The following SGO2 variants were observed in gnomAD, a reference collection of about 807,000 sequenced individuals.
SGO2 encodes the protein shugoshin 2.
A neutral mutation model predicts 99.5 loss-of-function variants in SGO2; 68 were observed. The ratio of observed to expected loss-of-function variants is 0.68; its 90% CI spans 0.56 to 0.84. The LOEUF is 0.84. Among genes scored for constraint, SGO2 ranks in the 40% least tolerant of loss-of-function variants. The pLI is 0.00. For synonymous variants in SGO2, 457 were observed against 487.1 expected (o/e 0.94, Z 0.81); for missense variants, 1,350 against 1,436.7 (o/e 0.94, Z 0.97).
chr2:200,529,494 A>C (rs367909944), intron 1 of SGO2, among the ~76,000 whole-genome samples: 1 of 147,812 alleles, frequency 6.8e-6, no homozygotes, highest in Admixed American at 6.8e-5. Context: ...AAGGAGCTAC[A>C]GTTTTGTTTC....
chr2:200,535,765 T>C (rs2031661524), intron 3 of SGO2, among the ~76,000 whole-genome samples: 1 of 152,178 alleles, frequency 6.6e-6, no homozygotes, highest in African/African-American at 2.4e-5. Flanking sequence ...TGTGATATAT[T>C]ACTATGAGAA....
chr2:200,539,084 G>C (rs916508942), intron 4 of SGO2, among the ~76,000 whole-genome samples: 3 of 151,956 alleles, frequency 2.0e-5, no homozygotes, highest in African/African-American at 7.2e-5. Context: ...TATTATAATT[G>C]TTTTTCTTTA....
chr2:200,555,639 A>T (rs1322177565), intron 5 of SGO2, among the ~76,000 whole-genome samples: 1 of 152,148 alleles, frequency 6.6e-6, no homozygotes, highest in Non-Finnish European at 1.5e-5. Flanking sequence ...GGTGGCCAAG[A>T]GCATGCTTTT....
At chr2:200,564,320 C>G (rs1383851141) in intron 5 of SGO2, among the ~76,000 whole-genome samples, 3 of 152,010 alleles carry the variant, frequency 2.0e-5, no homozygotes, top group Non-Finnish European at 4.4e-5. Flanking sequence ...CGTTATGTAC[C>G]CAGTAGTCAT....
At chr2:200,582,415 T>C (rs2033867585) in intron 8 of SGO2, among the ~76,000 whole-genome samples, 2 of 152,118 alleles carry the variant, frequency 1.3e-5, no homozygotes, top group African/African-American at 4.8e-5. Context: ...GTTGATCTAC[T>C]TTCTCAGTAA....
At chr2:200,541,974 G>GT (rs371840316) in intron 4 of SGO2, among the ~76,000 whole-genome samples, 5 of 151,830 alleles carry the variant, frequency 3.3e-5, no homozygotes, top group Admixed American at 6.5e-5. Flanking sequence ...AGTTTTCTTT[G>GT]TTTTTTTAGC....
rs1559217175 is a variant in SGO2 at position 200,572,396 on chromosome 2, A to T, written c.2050A>T (p.Arg684Trp). The T allele has an allele frequency of 6.2e-7, 1 of 1,613,594 alleles. No homozygotes were observed. The highest frequency in any genetic ancestry group is 8.5e-7 in the Non-Finnish European group (1 of 1,179,628). Residue 684 changes from arginine (R) to tryptophan (W), a missense_variant, in exon 7 of 9, where the codon AGG becomes TGG. Physicochemically the swap from Arg to Trp is moderately radical, Grantham distance 101. Coordinates refer to ENST00000357799, the MANE Select transcript of SGO2 (RefSeq NM_152524.6). Reference protein sequence around the residue: ...TRDNENQCDYRTQNVLGLQKQ... With the variant: ...TRDNENQCDYWTQNVLGLQKQ... Reference sequence around the variant, plus strand: ...AGATAATGAAAATCAATGTGACTATAGGACCCAGAATGTGTTGGGTTTGCA... The same window carrying T: ...AGATAATGAAAATCAATGTGACTATTGGACCCAGAATGTGTTGGGTTTGCA...
At chr2:200,564,647 T>C (rs866864543) in intron 5 of SGO2, among the ~76,000 whole-genome samples, 3 of 152,336 alleles carry the variant, frequency 2.0e-5, no homozygotes, top group African/African-American at 4.8e-5. Flanking sequence ...ATCTGTCTAA[T>C]GTTGACAGTA....
Position 200,573,941 on chromosome 2 carries a change from T to C in SGO2, c.3595T>C (p.Phe1199Leu), listed in dbSNP as rs771487197. 3 of 1,599,640 alleles carry C rather than the reference T, an allele frequency of 1.9e-6. No homozygotes were observed. Among genetic ancestry groups the C allele is most frequent in the South Asian group, 1.1e-5 (1 of 87,860 alleles). ...DEHEKMNKMK[F>L]KVNRRTQKSG... ...GCATGAGAAGATGAACAAGATGAAA[T>C]TTAAAGTCAACCGGAGAACCCAAAA... Residue 1199 changes from phenylalanine (F) to leucine (L), a missense_variant, in exon 7 of 9, where the codon TTT becomes CTT. Phe to Leu is a conservative substitution (Grantham distance 22). Transcript: ENST00000357799.
chr2:200,532,008 T>G (rs894143169), intron 1 of SGO2: 1 of 152,220 alleles, frequency 6.6e-6, no homozygotes, highest in African/African-American at 2.4e-5. Context: ...TTTTTCCACA[T>G]GAGGTTTAGA....
intron 5 of SGO2, among the ~76,000 whole-genome samples, chr2:200,545,730 A>T (rs2032182627): frequency 6.6e-6 from 1 of 152,166 alleles, no homozygotes; most frequent in South Asian, 2.1e-4. Context: ...CTATGTGGAA[A>T]ATCTCCCCTC....
chr2:200,574,948 T>TA (rs1021183715), intron 7 of SGO2, among the ~76,000 whole-genome samples: 1 of 152,016 alleles, frequency 6.6e-6, no homozygotes, highest in African/African-American at 2.4e-5. Context: ...GCAAAAGAAT[T>TA]ACAAAGGTTT....
chr2:200,562,199 G>A (rs1389633254), intron 5 of SGO2, among the ~76,000 whole-genome samples: 1 of 152,054 alleles, frequency 6.6e-6, no homozygotes, highest in Non-Finnish European at 1.5e-5. Context: ...GGTCTAACAT[G>A]TAAGTCTTTA....
At chr2:200,562,410 G>A (rs141834618) in intron 5 of SGO2, among the ~76,000 whole-genome samples, 16,620 of 152,180 alleles carry the variant, frequency 0.11, 1,099 homozygotes, top group Non-Finnish European at 0.15. Flanking sequence ...TGTTCCATTG[G>A]TCTATATCTC....
Position 200,583,450 on chromosome 2 carries a change from A to G in SGO2, c.3784A>G (p.Lys1262Glu). 1 of 1,584,936 alleles carries G rather than the reference A, an allele frequency of 6.3e-7. No individual in the cohort carries two copies. The highest frequency in any genetic ancestry group is 1.2e-5 in the South Asian group (1 of 82,822). Residue 1262 changes from lysine (K) to glutamate (E), a missense_variant and splice_region_variant, in exon 9 of 9, where the codon AAG (lysine) becomes GAG (glutamate). Physicochemically the swap from Lys to Glu is moderately conservative, Grantham distance 56. Transcript: ENST00000357799. ...FYFKEPSLRD[K>E]MRR ...TCTTCCTTTTTTTCTACTTTGCAGC[A>G]AGATGAGAAGATGAAGTGAATTTAT...
intron 5 of SGO2, among the ~76,000 whole-genome samples, chr2:200,558,733 T>A (rs1258175002): frequency 1.3e-5 from 2 of 151,890 alleles, no homozygotes; most frequent in Non-Finnish European, 2.9e-5. Context: ...GGATTTTTTT[T>A]TTTTTTTTAA....
chr2:200,537,676 A>G (rs2031756175), intron 4 of SGO2, among the ~76,000 whole-genome samples: 1 of 150,900 alleles, frequency 6.6e-6, no homozygotes, highest in African/African-American at 2.4e-5. Flanking sequence ...ATCTACATTC[A>G]CTCCTCCTAA....
intron 1 of SGO2, chr2:200,532,299 T>C (rs1284038287): frequency 1.3e-4 from 57 of 434,346 alleles, no homozygotes; most frequent in African/African-American, 1.1e-3. Context: ...TTTTTTTTTT[T>C]CAGATCTCTT....
chr2:200,533,952 G>T lies in SGO2; in HGVS notation c.133+844G>T, dbSNP rs1035748308. Among the ~76,000 whole-genome samples the T allele has an allele frequency of 2.0e-5, 3 of 152,076 alleles. No individual in the cohort carries two copies. In the South Asian group the frequency reaches 6.2e-4, roughly 31 times the overall value. On this transcript the variant is annotated intron_variant, in intron 2 of 8. Coordinates refer to ENST00000357799, the MANE Select transcript of SGO2 (RefSeq NM_152524.6). Reference sequence around the variant, plus strand: ...TGAAGGAATATGCTGACTTTGAGGAGTACAACAGGAAAATGTTATTACTCT... The same window carrying T: ...TGAAGGAATATGCTGACTTTGAGGATTACAACAGGAAAATGTTATTACTCT...
Sources: allele counts gnomAD v4.1 joint callset (sites outside exome capture counted in the v4.1 genomes callset), GRCh38; gene constraint gnomAD v4.1.1; transcripts MANE v1.5; gene names NCBI Gene and HGNC (gene_info 2026-07-23, HGNC 2026-07-21).